Variants in ZNF385D observed in about 807,000 individuals in gnomAD.
The protein encoded by ZNF385D is zinc finger protein 659.
Under a neutral mutation model 35.8 loss-of-function variants are expected in ZNF385D, and 15 were observed. That is an observed-to-expected ratio of 0.42 (90% confidence interval 0.28 to 0.64). The LOEUF is 0.64. ZNF385D is among the 30% of genes least tolerant of loss of function. The pLI is 0.23. For synonymous variants in ZNF385D, 212 were observed against 186.8 expected (o/e 1.13, Z -1.10); for missense variants, 474 against 494.6 (o/e 0.96, Z 0.39).
chr3:21,590,760 T>A (rs1464150978), intron 2 of ZNF385D, among the ~76,000 whole-genome samples: 1 of 152,130 alleles, frequency 6.6e-6, no homozygotes, highest in African/African-American at 2.4e-5. Flanking sequence ...CGCTGCCTAA[T>A]CAATGAGAAA....
chr3:21,830,650 C>T (rs990758246), intron 3 of ZNF385D, among the ~76,000 whole-genome samples: 1 of 152,152 alleles, frequency 6.6e-6, no homozygotes, highest in African/African-American at 2.4e-5. Context: ...CCACATCTTC[C>T]TCACAGTATC....
chr3:21,939,220 T>C (rs1353606921), intron 3 of ZNF385D, among the ~76,000 whole-genome samples: 2 of 152,232 alleles, frequency 1.3e-5, no homozygotes, highest in East Asian at 3.9e-4. Flanking sequence ...AATTAGCATT[T>C]ATTGGGCTTC....
Position 21,511,289 on chromosome 3 carries a change from T to C in ZNF385D, c.277-266A>G, listed in dbSNP as rs1404646649. On this transcript the variant is annotated intron_variant, in intron 3 of 7. Transcript: ENST00000281523. ...CACTGACACATCAACAACATTTTCT[T>C]TGTGGGAGCGGGGAAAAAAAATAAG... Among the ~76,000 whole-genome samples, 1 of 152,116 alleles carries C rather than the reference T, an allele frequency of 6.6e-6. No homozygotes were observed. The highest frequency in any genetic ancestry group is 1.5e-5 in the Non-Finnish European group (1 of 68,018).
At chr3:21,748,482 C>T (rs370161221) in intron 1 of ZNF385D, among the ~76,000 whole-genome samples, 34 of 152,226 alleles carry the variant, frequency 2.2e-4, no homozygotes, top group African/African-American at 6.0e-4. Flanking sequence ...GTAAATATCC[C>T]GCTTTCATAT....
chr3:22,349,141 CTTA>C (rs1203148851), intron 2 of ZNF385D, among the ~76,000 whole-genome samples: 1 of 152,196 alleles, frequency 6.6e-6, no homozygotes, highest in East Asian at 1.9e-4. Flanking sequence ...AATCCCAATA[CTTA>C]TTAATCTTTG....
At position 21,864,016 on chromosome 3, in the gene ZNF385D, T is replaced by C. The variant is rs141347464; in HGVS notation, c.326-198988A>G. 9.1e-3 allele frequency among the ~76,000 whole-genome samples: 1,390 copies of C among 152,270 alleles called. 18 individuals are homozygous for C. The highest frequency in any genetic ancestry group is 0.031 in the African/African-American group (1,291 of 41,560). On this transcript the variant is annotated intron_variant, in intron 3 of 5. Transcript: ENST00000494108. ...ACTCATGATGCCGGTTCATGGATTA[T>C]ACGTTGTGTAACCAAAAAAGTAGTT...
chr3:22,253,301 A>T lies in ZNF385D; in HGVS notation c.107-84266T>A, dbSNP rs79544299. 6.1e-3 allele frequency among the ~76,000 whole-genome samples: 934 copies of T among 151,956 alleles called. 6 individuals carry two copies. The highest frequency in any genetic ancestry group is 0.021 in the African/African-American group (878 of 41,428). On this transcript the variant is annotated intron_variant, in intron 2 of 5. Coordinates refer to the ZNF385D transcript ENST00000494108. Reference sequence around the variant, plus strand: ...TAGGACTAAGGTATTGTAAAAACTAAGAAATAGACTGTAATTGAAACCATA... The same window carrying T: ...TAGGACTAAGGTATTGTAAAAACTATGAAATAGACTGTAATTGAAACCATA...
intron 3 of ZNF385D, among the ~76,000 whole-genome samples, chr3:22,161,291 T>A (rs1576423814): frequency 6.6e-6 from 1 of 152,100 alleles, no homozygotes; most frequent in African/African-American, 2.4e-5. Flanking sequence ...CATACTTGCA[T>A]TCTTGATGAA....
chr3:21,500,410 T>A (rs1706275934), intron 4 of ZNF385D, among the ~76,000 whole-genome samples: 1 of 152,120 alleles, frequency 6.6e-6, no homozygotes, highest in Admixed American at 6.6e-5. Flanking sequence ...GCTGAAAATT[T>A]CATGGGGTTG....
chr3:22,182,151 A>G (rs944236769), intron 2 of ZNF385D, among the ~76,000 whole-genome samples: 2 of 152,220 alleles, frequency 1.3e-5, no homozygotes, highest in African/African-American at 4.8e-5. Context: ...TTGTCTTAAG[A>G]CATAAAGCTT....
intron 3 of ZNF385D, among the ~76,000 whole-genome samples, chr3:21,818,466 T>C (rs1014530406): frequency 2.6e-5 from 4 of 152,218 alleles, no homozygotes; most frequent in Admixed American, 1.3e-4. Flanking sequence ...GGTTATTAGA[T>C]GATATTAAGA....
In ZNF385D at chr3:22,279,708, C is replaced by T. The variant is rs191907879; in HGVS notation, c.106+92742G>A. ...TCACTGATGAGAATTTGGGCTGGTG[C>T]CATATTTTTACAATTATGAATTCTG... On this transcript the variant is annotated intron_variant, in intron 2 of 5. Coordinates refer to the ZNF385D transcript ENST00000494108. Among the ~76,000 whole-genome samples the T allele has an allele frequency of 2.3e-3, 344 of 151,318 alleles. 2 individuals carry two copies. In the Middle Eastern group the frequency reaches 0.024, roughly 11 times the overall value.
At chr3:22,155,595 T>G (rs1445733131) in intron 3 of ZNF385D, among the ~76,000 whole-genome samples, 1 of 152,080 alleles carries the variant, frequency 6.6e-6, no homozygotes, top group African/African-American at 2.4e-5. Context: ...TGAGCACACA[T>G]AACACATATT....
chr3:22,016,959 C>T (rs78030624), intron 3 of ZNF385D, among the ~76,000 whole-genome samples: 6 of 143,168 alleles, frequency 4.2e-5, no homozygotes, highest in African/African-American at 1.3e-4. Flanking sequence ...CACACACAAA[C>T]ACACACACAC....
intron 3 of ZNF385D, among the ~76,000 whole-genome samples, chr3:22,146,551 T>C (rs911825651): frequency 2.0e-5 from 3 of 152,168 alleles, no homozygotes; most frequent in Non-Finnish European, 4.4e-5. Context: ...TTTATGGTTG[T>C]CCATTTTTAT....
Position 21,797,721 on chromosome 3 carries a change from A to G in ZNF385D, c.326-132693T>C, listed in dbSNP as rs143376655. Among the ~76,000 whole-genome samples the G allele has an allele frequency of 1.5e-4, 23 of 152,342 alleles. No homozygotes were observed. In the East Asian group the frequency reaches 4.4e-3, roughly 29 times the overall value. On this transcript the variant is annotated intron_variant, in intron 3 of 5. Coordinates refer to the ZNF385D transcript ENST00000494108. Reference sequence around the variant, plus strand: ...AGAGATATGAAGAAACCCTAAATCCATATTATCAAGTGAAACGAGCAAATT... The same window carrying G: ...AGAGATATGAAGAAACCCTAAATCCGTATTATCAAGTGAAACGAGCAAATT...
intron 3 of ZNF385D, among the ~76,000 whole-genome samples, chr3:22,142,192 A>T (rs181102729): frequency 6.6e-5 from 10 of 152,148 alleles, no homozygotes; most frequent in African/African-American, 2.4e-4. Context: ...GTACCATGTT[A>T]TATTTTCTTC....
At chr3:21,947,949 G>T (rs926822280) in intron 3 of ZNF385D, among the ~76,000 whole-genome samples, 17 of 151,926 alleles carry the variant, frequency 1.1e-4, no homozygotes, top group African/African-American at 4.1e-4. Flanking sequence ...TTTAATTTTT[G>T]ATACAATTAG....
chr3:21,454,193 G>C (rs116641770), intron 4 of ZNF385D, among the ~76,000 whole-genome samples: 1 of 152,004 alleles, frequency 6.6e-6, no homozygotes, highest in Non-Finnish European at 1.5e-5. Flanking sequence ...CAGGGAATGG[G>C]AGAAAGGAGA....
Sources: allele counts gnomAD v4.1 joint callset (sites outside exome capture counted in the v4.1 genomes callset), GRCh38; gene constraint gnomAD v4.1.1; transcripts MANE v1.5; gene names NCBI Gene and HGNC (gene_info 2026-07-23, HGNC 2026-07-21).